The following NMBR variants were observed in gnomAD, a reference collection of about 807,000 sequenced individuals.
The protein encoded by NMBR is neuromedin B receptor, also known as neuromedin-B receptor.
NMBR carries 16 observed loss-of-function variants against 20.5 expected under a neutral mutation model. The ratio of observed to expected loss-of-function variants is 0.78; its 90% CI spans 0.53 to 1.19. The LOEUF is 1.19. NMBR is among the 50% of genes most tolerant of loss of function. The probability of loss-of-function intolerance (pLI) is 0.00; values close to 1 mark genes in which losing one functional copy is unlikely to be tolerated. For missense variants in NMBR, 582 were observed against 499.1 expected, an observed-to-expected ratio of 1.17 and a Z score of -1.58; for synonymous variants, 212 against 196.6, an observed-to-expected ratio of 1.08 and a Z score of -0.65.
At chr6:142,123,814 C>G (rs529221154) in intron 1 of NMBR, among the ~76,000 whole-genome samples, 1 of 151,908 alleles carries the variant, frequency 6.6e-6, no homozygotes, top group Non-Finnish European at 1.5e-5. Context: ...TGCAATAAAA[C>G]CTTATTTCAC....
intron 1 of NMBR, among the ~76,000 whole-genome samples, chr6:142,127,725 AT>A (rs1437595659): frequency 2.7e-5 from 4 of 150,354 alleles, no homozygotes; most frequent in Admixed American, 2.0e-4. Flanking sequence ...ATTCCTGAGT[AT>A]TTTTTTCTTT....
chr6:142,134,072 C>A, intron 1 of NMBR: 2 of 589,990 alleles, frequency 3.4e-6, no homozygotes, highest in Non-Finnish European at 6.3e-6. Context: ...AACTCTACAA[C>A]AAACTCATTT....
In NMBR at chr6:142,075,544, C is replaced by A. The variant is rs1370200703; in HGVS notation, c.*104G>T. ...TCTTGCATTTTCTGAGTCAATCATG[C>A]AATTGCCTAATAAATTAGCTAAGCA... On this transcript the variant is annotated 3_prime_UTR_variant, in exon 4 of 4. Coordinates refer to ENST00000258042, the MANE Select transcript of NMBR (RefSeq NM_002511.4). 1.9e-6 allele frequency: 2 copies of A among 1,075,654 alleles called. No homozygotes were observed. Among genetic ancestry groups the A allele is most frequent in the Non-Finnish European group, 2.7e-6 (2 of 750,022 alleles). The allele number at this position is 1,075,654 out of a possible 1,614,324, so 66.6% of individuals were successfully genotyped here. A position where few individuals can be genotyped will look rare whatever the true frequency, so the allele number is the denominator to read the frequency against.
chr6:142,143,433 T>C (rs1308072171), intron 1 of NMBR, among the ~76,000 whole-genome samples: 1 of 152,290 alleles, frequency 6.6e-6, no homozygotes, highest in Non-Finnish European at 1.5e-5. Flanking sequence ...TACAGGCATG[T>C]GCCACCACAC....
intron 1 of NMBR, among the ~76,000 whole-genome samples, chr6:142,146,457 G>A (rs1042025134): frequency 2.0e-5 from 3 of 152,158 alleles, no homozygotes; most frequent in Admixed American, 6.5e-5. Flanking sequence ...AGGAGAGGAA[G>A]AGAATTGAAG....
intron 2 of NMBR, 38 bp downstream of exon 2, chr6:142,088,196 CACG>C: frequency 6.3e-7 from 1 of 1,587,536 alleles, no homozygotes; most frequent in Non-Finnish European, 8.5e-7. Flanking sequence ...CGCCCCTCTC[CACG>C]ACTTTTCCAA....
intron 1 of NMBR, among the ~76,000 whole-genome samples, chr6:142,106,354 G>A (rs1217933900): frequency 6.6e-6 from 1 of 152,210 alleles, no homozygotes; most frequent in East Asian, 1.9e-4. Flanking sequence ...ACCTCATCAT[G>A]TCCACCTATC....
At chr6:142,079,108 A>AAGAGAGAGAGAGAAAGAG (rs754275458) in intron 2 of NMBR, among the ~76,000 whole-genome samples, 3 of 112,184 alleles carry the variant, frequency 2.7e-5, no homozygotes, top group African/African-American at 4.1e-5. Context: ...GAGAGAGAGA[A>AAGAGAGAGAGAGAAAGAG]AGAAAGAAAG....
chr6:142,138,966 A>G (rs928807684), intron 1 of NMBR, among the ~76,000 whole-genome samples: 1 of 152,136 alleles, frequency 6.6e-6, no homozygotes, highest in Non-Finnish European at 1.5e-5. Flanking sequence ...TTTTGCCCCA[A>G]TACTAAGGAA....
intron 1 of NMBR, among the ~76,000 whole-genome samples, chr6:142,098,450 C>G (rs996459943): frequency 2.0e-5 from 3 of 152,052 alleles, no homozygotes; most frequent in African/African-American, 4.8e-5. Flanking sequence ...CAACAAAAGA[C>G]TCTTGCAACT....
At chr6:142,123,955 T>C (rs953800808) in intron 1 of NMBR, among the ~76,000 whole-genome samples, 4 of 151,830 alleles carry the variant, frequency 2.6e-5, no homozygotes, top group African/African-American at 9.7e-5. Context: ...CAGAAGAGAT[T>C]AGTGAAATTA....
intron 2 of NMBR, among the ~76,000 whole-genome samples, chr6:142,083,982 C>G (rs1777154071): frequency 6.6e-6 from 1 of 152,162 alleles, no homozygotes; most frequent in Non-Finnish European, 1.5e-5. Context: ...GCCAATCTCA[C>G]TACCAATTAA....
intron 1 of NMBR, among the ~76,000 whole-genome samples, chr6:142,130,386 T>A (rs1216778544): frequency 6.6e-6 from 1 of 152,044 alleles, no homozygotes; most frequent in Non-Finnish European, 1.5e-5. Flanking sequence ...AAAGTCAAAT[T>A]AATGGTGTGG....
At chr6:142,121,488 A>T (rs1186481827) in intron 1 of NMBR, among the ~76,000 whole-genome samples, 1 of 152,064 alleles carries the variant, frequency 6.6e-6, no homozygotes, top group South Asian at 2.1e-4. Context: ...TAAAAGTGCT[A>T]CTCCGATTAA....
At chr6:142,077,017 A>G (rs1776964064) in intron 3 of NMBR, among the ~76,000 whole-genome samples, 1 of 152,074 alleles carries the variant, frequency 6.6e-6, no homozygotes, top group Non-Finnish European at 1.5e-5. Flanking sequence ...AACCCAGGCC[A>G]GGAAGCAGAA....
At chr6:142,132,461 G>A (rs1416309950) in intron 1 of NMBR, among the ~76,000 whole-genome samples, 2 of 152,132 alleles carry the variant, frequency 1.3e-5, no homozygotes, top group African/African-American at 4.8e-5. Context: ...GCCTTAATTA[G>A]TAGTTCGCTA....
At chr6:142,078,439 G>A (rs756643929) in intron 3 of NMBR, 116 bp downstream of exon 3, 4 of 632,806 alleles carry the variant, frequency 6.3e-6, no homozygotes, top group Non-Finnish European at 8.2e-6. Flanking sequence ...GTTAAGGCCT[G>A]TGAAGGCCCA....
intron 1 of NMBR, among the ~76,000 whole-genome samples, chr6:142,109,658 A>G (rs1175873670): frequency 2.0e-5 from 3 of 151,996 alleles, no homozygotes; most frequent in African/African-American, 7.2e-5. Flanking sequence ...ACCACATCAC[A>G]CTCATTAGGA....
At chr6:142,122,526 T>C (rs1487395219) in intron 1 of NMBR, among the ~76,000 whole-genome samples, 1 of 151,986 alleles carries the variant, frequency 6.6e-6, no homozygotes, top group Admixed American at 6.6e-5. Flanking sequence ...TTTCTATGTA[T>C]ATCAAACAGC....
Sources: gnomAD v4.1 joint callset for allele counts (sites outside exome capture counted in the v4.1 genomes callset) on GRCh38, gnomAD v4.1.1 for gene constraint, MANE v1.5 for transcripts, NCBI Gene and HGNC (gene_info 2026-07-23, HGNC 2026-07-21) for gene names.